The following NUDT9 variants were observed in gnomAD, a reference collection of about 807,000 sequenced individuals.
NUDT9 encodes nudix hydrolase 9.
A neutral mutation model predicts 41.0 loss-of-function variants in NUDT9; 31 were observed. The observed-to-expected ratio is 0.76, with a 90% CI of 0.57 to 1.02. The LOEUF (loss-of-function observed/expected upper bound fraction) is 1.02. Ranked by LOEUF, NUDT9 falls within the 50% of genes least tolerant of loss-of-function variation. NUDT9 has a pLI of 0.00. For missense variants in NUDT9, 380 were observed against 431.4 expected (o/e 0.88, Z 1.06); for synonymous variants, 146 against 147.6 (o/e 0.99, Z 0.08).
At chr4:87,441,501 T>A (rs1560793759) in intron 3 of NUDT9, among the ~76,000 whole-genome samples, 1 of 152,100 alleles carries the variant, frequency 6.6e-6, no homozygotes. Flanking sequence ...TGAAGAGAGA[T>A]CTAGGTGTTC....
At chr4:87,432,768 GTT>G (rs80311091) in intron 1 of NUDT9, among the ~76,000 whole-genome samples, 2 of 145,564 alleles carry the variant, frequency 1.4e-5, no homozygotes, top group African/African-American at 5.0e-5. Context: ...AGAAGATTGT[GTT>G]TTTTTTTTTT....
At chr4:87,435,259 T>C in intron 2 of NUDT9, 39 bp downstream of exon 2, 7 of 1,561,292 alleles carry the variant, frequency 4.5e-6, no homozygotes, top group Non-Finnish European at 6.1e-6. Context: ...AATAAGACTT[T>C]TAGAGAAGGT....
At chr4:87,433,497 A>T (rs1721776436) in intron 1 of NUDT9, among the ~76,000 whole-genome samples, 1 of 152,216 alleles carries the variant, frequency 6.6e-6, no homozygotes, top group Non-Finnish European at 1.5e-5. Flanking sequence ...GTATGAGATC[A>T]GGAGGCACAT....
intron 1 of NUDT9, among the ~76,000 whole-genome samples, chr4:87,427,325 A>G (rs1355850718): frequency 2.6e-5 from 4 of 152,150 alleles, no homozygotes. Flanking sequence ...CAGTCTTAAG[A>G]ATTGGTTTTT....
chr4:87,426,847 GCAACA>G (rs1721445923), intron 1 of NUDT9, among the ~76,000 whole-genome samples: 2 of 150,270 alleles, frequency 1.3e-5, no homozygotes, highest in Non-Finnish European at 1.5e-5. Flanking sequence ...ACCAGCCTGG[GCAACA>G]TAGAGTGAGA....
intron 3 of NUDT9, 31 bp downstream of exon 3, chr4:87,438,403 A>G (rs1722053034): frequency 5.9e-6 from 7 of 1,186,954 alleles, no homozygotes; most frequent in African/African-American, 1.5e-5. Context: ...ATCTTACAAT[A>G]ATGAGTCACC....
intron 4 of NUDT9, among the ~76,000 whole-genome samples, chr4:87,448,842 A>T (rs1352944757): frequency 1.3e-5 from 2 of 152,182 alleles, no homozygotes; most frequent in African/African-American, 2.4e-5. Flanking sequence ...TTTAAATTCT[A>T]TTCTGCTACT....
intron 4 of NUDT9, 81 bp downstream of exon 4, chr4:87,441,996 T>C: frequency 4.5e-6 from 4 of 894,158 alleles, no homozygotes; most frequent in Non-Finnish European, 5.2e-6. Flanking sequence ...TTTGTGTATA[T>C]ATGTATACCT....
chr4:87,428,029 A>G (rs189700393), intron 1 of NUDT9, among the ~76,000 whole-genome samples: 1 of 152,348 alleles, frequency 6.6e-6, no homozygotes, highest in Admixed American at 6.5e-5. Context: ...TCATAATCAT[A>G]ATATGAAAGT....
At chr4:87,444,086 A>G (rs1171022287) in intron 4 of NUDT9, among the ~76,000 whole-genome samples, 1 of 152,110 alleles carries the variant, frequency 6.6e-6, no homozygotes, top group Non-Finnish European at 1.5e-5. Flanking sequence ...CATATTTGTC[A>G]TCCTTTTAAT....
chr4:87,423,106 C>G, intron 1 of NUDT9, 94 bp downstream of exon 1: 1 of 834,308 alleles, frequency 1.2e-6, no homozygotes, highest in Non-Finnish European at 1.8e-6. Flanking sequence ...GTAGGCTTTG[C>G]TTTGCCTCTC....
Position 87,458,377 on chromosome 4 carries a change from A to G in NUDT9, c.*356A>G, listed in dbSNP as rs574225340. On this transcript the variant is annotated 3_prime_UTR_variant, in exon 8 of 8. Coordinates refer to ENST00000302174, the MANE Select transcript of NUDT9 (RefSeq NM_024047.5). ...TGTTTCATCTAGTTCTTGTTTGTCA[A>G]TGCCTTCCCTCCCGCTCCCCATCTT... The G allele has an allele frequency of 6.8e-5, 11 of 161,846 alleles. No individual in the cohort carries two copies. The highest frequency in any genetic ancestry group is 4.1e-4 in the South Asian group (2 of 4,926). 10.0% of individuals were successfully genotyped at this position (161,846 alleles called of 1,614,324 possible). A position where few individuals can be genotyped will look rare whatever the true frequency, so the allele number is the denominator to read the frequency against.
chr4:87,425,712 GAAAAA>G (rs70957242), intron 1 of NUDT9, among the ~76,000 whole-genome samples: 1 of 94,752 alleles, frequency 1.1e-5, no homozygotes. Context: ...CTGTCTCTTT[GAAAAA>G]AAAAAAAAAA....
intron 2 of NUDT9, among the ~76,000 whole-genome samples, chr4:87,435,605 T>A (rs1721894696): frequency 6.6e-6 from 1 of 152,168 alleles, no homozygotes; most frequent in Non-Finnish European, 1.5e-5. Context: ...ATAGCTAGAC[T>A]TGTGAAAATA....
chr4:87,423,181 A>T (rs560134527), intron 1 of NUDT9, among the ~76,000 whole-genome samples, 169 bp downstream of exon 1: 18 of 152,312 alleles, frequency 1.2e-4, no homozygotes, highest in African/African-American at 4.1e-4. Context: ...CCTTTTGAGG[A>T]AAACGAGTGG....
chr4:87,448,892 T>C (rs1296790145), intron 4 of NUDT9, among the ~76,000 whole-genome samples: 1 of 152,250 alleles, frequency 6.6e-6, no homozygotes, highest in Non-Finnish European at 1.5e-5. Context: ...AAATTGTTTA[T>C]ATCCTGAATT....
rs1014694142 is a variant in NUDT9 at position 87,438,332 on chromosome 4, A to G, written c.403A>G (p.Ser135Gly). ...NEKDGHVERKSKNGLYEIENG... is the reference protein window; with the variant it reads ...NEKDGHVERKGKNGLYEIENG... ...AAAGGATGGGCATGTTGAGAGAAAG[A>G]GCAAGAATGGCCTGTATGAGATTGA... is the stretch of plus-strand genomic sequence containing the variant. Residue 135 changes from serine (S) to glycine (G), a missense_variant, in exon 3 of 8, where the codon AGC (serine) becomes GGC (glycine). By Grantham distance (56) the Ser-to-Gly change is moderately conservative. Coordinates refer to ENST00000302174, the MANE Select transcript of NUDT9 (RefSeq NM_024047.5). The G allele has an allele frequency of 6.2e-7, 1 of 1,611,926 alleles. No individual in the cohort carries two copies. Among genetic ancestry groups the G allele is most frequent in the African/African-American group, 1.3e-5 (1 of 74,984 alleles).
intron 4 of NUDT9, among the ~76,000 whole-genome samples, chr4:87,448,289 C>T (rs1483075447): frequency 6.6e-6 from 1 of 151,542 alleles, no homozygotes; most frequent in Non-Finnish European, 1.5e-5. Flanking sequence ...GGACTACAGG[C>T]ACCCATCATC....
chr4:87,437,422 G>A (rs1167618639), intron 2 of NUDT9, among the ~76,000 whole-genome samples: 3 of 151,876 alleles, frequency 2.0e-5, no homozygotes, highest in Non-Finnish European at 2.9e-5. Context: ...CTCACTGGAA[G>A]CTCCACCTCC....
Sources: allele counts gnomAD v4.1 joint callset (sites outside exome capture counted in the v4.1 genomes callset), GRCh38; gene constraint gnomAD v4.1.1; transcripts MANE v1.5; gene names NCBI Gene and HGNC (gene_info 2026-07-23, HGNC 2026-07-21).